The following SDK1 variants were observed in gnomAD, a reference collection of about 807,000 sequenced individuals.
The protein encoded by SDK1 is protein sidekick-1.
Under a neutral mutation model 245.5 loss-of-function variants are expected in SDK1, and 157 were observed. The ratio of observed to expected loss-of-function variants is 0.64; its 90% CI spans 0.56 to 0.73. The LOEUF (loss-of-function observed/expected upper bound fraction) is 0.73. Ranked by LOEUF, SDK1 falls within the 30% of genes least tolerant of loss-of-function variation. The pLI is 0.00. For synonymous variants in SDK1, 1,647 were observed against 1,278.5 expected (o/e 1.29, Z -6.15); for missense variants, 3,583 against 3,002.3 (o/e 1.19, Z -4.52).
chr7:3,396,118 T>C (rs6969267), intron 1 of SDK1, among the ~76,000 whole-genome samples: 68,075 of 151,526 alleles, frequency 0.45, 17,422 homozygotes, highest in East Asian at 0.61. Flanking sequence ...AGTCTTGTGT[T>C]AGCTGCATCT....
intron 1 of SDK1, among the ~76,000 whole-genome samples, chr7:3,359,513 A>G (rs1183920936): frequency 1.3e-5 from 2 of 151,968 alleles, no homozygotes; most frequent in Non-Finnish European, 2.9e-5. Flanking sequence ...TAATTTTTTG[A>G]TTGTCTATTT....
intron 5 of SDK1, among the ~76,000 whole-genome samples, chr7:3,929,633 A>G (rs1232298241): frequency 6.6e-6 from 1 of 152,124 alleles, no homozygotes; most frequent in South Asian, 2.1e-4. Context: ...CTTTTGTAAT[A>G]TACTCCTGGA....
intron 4 of SDK1, among the ~76,000 whole-genome samples, chr7:3,747,057 G>A (rs1243151415): frequency 6.6e-6 from 1 of 152,196 alleles, no homozygotes; most frequent in Non-Finnish European, 1.5e-5. Flanking sequence ...CTGCAGAATG[G>A]ATGCTGTGGC....
intron 1 of SDK1, among the ~76,000 whole-genome samples, chr7:3,590,021 G>A (rs757546223): frequency 8.5e-5 from 13 of 152,188 alleles, no homozygotes; most frequent in Non-Finnish European, 1.3e-4. Context: ...CAGGATATAC[G>A]TGAGAGTTAC....
At chr7:3,606,593 A>G (rs1466463079) in intron 1 of SDK1, among the ~76,000 whole-genome samples, 1 of 152,106 alleles carries the variant, frequency 6.6e-6, no homozygotes, top group African/African-American at 2.4e-5. Flanking sequence ...ACTGACTCCC[A>G]CATCAGCGAC....
intron 1 of SDK1, among the ~76,000 whole-genome samples, chr7:3,527,203 G>A (rs780311753): frequency 9.9e-5 from 15 of 152,196 alleles, no homozygotes; most frequent in African/African-American, 2.4e-4. Flanking sequence ...TGTCCACAAC[G>A]TCTGAGGCAT....
chr7:3,410,360 A>G (rs890576486), intron 1 of SDK1, among the ~76,000 whole-genome samples: 7 of 152,138 alleles, frequency 4.6e-5, no homozygotes, highest in African/African-American at 1.7e-4. Flanking sequence ...ATTGAATTTC[A>G]TATTAGACCT....
At chr7:3,627,553 C>T (rs965310267) in intron 2 of SDK1, among the ~76,000 whole-genome samples, 1 of 152,174 alleles carries the variant, frequency 6.6e-6, no homozygotes, top group African/African-American at 2.4e-5. Context: ...CATCCAGTCC[C>T]AAGTGGCCAG....
intron 1 of SDK1, among the ~76,000 whole-genome samples, chr7:3,455,178 T>C (rs530611577): frequency 6.6e-6 from 1 of 152,206 alleles, no homozygotes; most frequent in African/African-American, 2.4e-5. Flanking sequence ...ATATATATTC[T>C]AGATACTTGT....
chr7:3,515,908 T>G (rs1039600732), intron 1 of SDK1, among the ~76,000 whole-genome samples: 1 of 152,122 alleles, frequency 6.6e-6, no homozygotes, highest in African/African-American at 2.4e-5. Flanking sequence ...GTGGAAGAGA[T>G]TTAGCTGAAA....
rs1204498069 is a variant in SDK1, at chr7:3,406,484, C to T, written c.298+104600C>T. 3.3e-5 allele frequency among the ~76,000 whole-genome samples: 5 copies of T among 152,148 alleles called. No individual in the cohort carries two copies. The East Asian group carries it at 5.8e-4, about 18-fold the overall frequency. On this transcript the variant is annotated intron_variant, in intron 1 of 44. Transcript: ENST00000404826. ...GATTGTCAAGAACAGGCACTCTGGT[C>T]GGACAGACCTTGTTTAAATCTTCTC...
chr7:3,363,104 A>C (rs1007398787), intron 1 of SDK1, among the ~76,000 whole-genome samples: 1 of 152,154 alleles, frequency 6.6e-6, no homozygotes, highest in African/African-American at 2.4e-5. Flanking sequence ...AGGATCTCTC[A>C]TGTTGCCCTT....
chr7:4,148,705 T>C (rs1780152715), intron 29 of SDK1, among the ~76,000 whole-genome samples: 1 of 152,226 alleles, frequency 6.6e-6, no homozygotes, highest in Non-Finnish European at 1.5e-5. Flanking sequence ...CAGGGACTCC[T>C]GTGTGGCTTT....
intron 1 of SDK1, among the ~76,000 whole-genome samples, chr7:3,461,975 T>TA (rs1456439768): frequency 6.6e-6 from 1 of 152,138 alleles, no homozygotes; most frequent in Non-Finnish European, 1.5e-5. Context: ...TCTTCTGTAT[T>TA]AAAAAAGAAC....
chr7:3,501,308 T>C (rs1010153637), intron 1 of SDK1, among the ~76,000 whole-genome samples: 3 of 152,260 alleles, frequency 2.0e-5, no homozygotes, highest in Admixed American at 6.5e-5. Context: ...TAACTGTTTT[T>C]ACTATTCTTC....
intron 2 of SDK1, among the ~76,000 whole-genome samples, chr7:3,621,716 T>A (rs1221025209): frequency 6.6e-6 from 1 of 152,214 alleles, no homozygotes; most frequent in Admixed American, 6.5e-5. Context: ...CTGTACCTTA[T>A]CTGAGTCTTC....
At chr7:3,508,336 T>A (rs997890726) in intron 1 of SDK1, among the ~76,000 whole-genome samples, 2 of 151,208 alleles carry the variant, frequency 1.3e-5, no homozygotes, top group Non-Finnish European at 3.0e-5. Context: ...CTTTTTTTTT[T>A]TTTTTTTGAG....
At chr7:4,129,794 G>C in intron 26 of SDK1, 114 bp from the exon 27 acceptor site, 1 of 1,539,180 alleles carries the variant, frequency 6.5e-7, no homozygotes, top group South Asian at 1.2e-5. Flanking sequence ...GCCATCCTCA[G>C]GGAGAAAGCA....
intron 4 of SDK1, among the ~76,000 whole-genome samples, chr7:3,701,563 T>C (rs1201822338): frequency 6.6e-6 from 1 of 152,130 alleles, no homozygotes; most frequent in African/African-American, 2.4e-5. Flanking sequence ...CGTGCTACAG[T>C]GCCCTAGCTT....
Sources: gnomAD v4.1 joint callset for allele counts (sites outside exome capture counted in the v4.1 genomes callset) on GRCh38, gnomAD v4.1.1 for gene constraint, MANE v1.5 for transcripts, NCBI Gene and HGNC (gene_info 2026-07-23, HGNC 2026-07-21) for gene names.